Variants in QTGAL observed in about 807,000 individuals in gnomAD.
QTGAL encodes the protein queuosine-tRNA galactosyltransferase, also known as BGnT-like protein 1.
the QTGAL span, among the ~76,000 whole-genome samples, chr17:82,996,509 G>A: frequency 2.2e-5 from 3 of 136,128 alleles, no homozygotes; most frequent in Non-Finnish European, 4.6e-5. Flanking sequence ...ATGACAGAGC[G>A]AGACTCTGCC....
At chr17:82,977,008 G>GGGCCCCAGGT in the QTGAL span, among the ~76,000 whole-genome samples, 1 of 152,262 alleles carries the variant, frequency 6.6e-6, no homozygotes, top group Non-Finnish European at 1.5e-5. Flanking sequence ...CAGGGAGTCA[G>GGGCCCCAGGT]GGCCCCAGGT....
chr17:82,970,648 T>TGTGGACGCGACCTCCCCACCCAGC, the QTGAL span, among the ~76,000 whole-genome samples: 11 of 33,574 alleles, frequency 3.3e-4, 3 homozygotes, highest in African/African-American at 1.4e-3. Flanking sequence ...CCGCACCCGG[T>TGTGGACGCGACCTCCCCACCCAGC]GTGGCCGCGA....
At chr17:83,002,802 G>A in the QTGAL span, among the ~76,000 whole-genome samples, 3 of 152,178 alleles carry the variant, frequency 2.0e-5, no homozygotes, top group Admixed American at 6.5e-5. Flanking sequence ...CACGGGACAC[G>A]GAGACGCTGA....
chr17:82,946,425 T>A, the QTGAL span, among the ~76,000 whole-genome samples: 2 of 152,170 alleles, frequency 1.3e-5, no homozygotes, highest in Non-Finnish European at 1.5e-5. Flanking sequence ...AACACAGTCT[T>A]AGAAGATACT....
chr17:82,999,707 C>T, the QTGAL span, among the ~76,000 whole-genome samples: 1 of 152,318 alleles, frequency 6.6e-6, no homozygotes, highest in South Asian at 2.1e-4. Context: ...CCTAAGTTCA[C>T]GTAGTCTGTT....
the QTGAL span, chr17:83,006,082 G>C: frequency 1.0e-6 from 1 of 998,998 alleles, no homozygotes; most frequent in Non-Finnish European, 1.2e-6. The surrounding 1 kb of genome is among the most constrained non-coding windows in gnomAD (Gnocchi z 5.8). Flanking sequence ...AGCCTCCCGA[G>C]TAGACGTTCT....
chr17:82,967,055 C>T, the QTGAL span, among the ~76,000 whole-genome samples: 1 of 152,162 alleles, frequency 6.6e-6, no homozygotes, highest in South Asian at 2.1e-4. Flanking sequence ...GTCGTGAAAA[C>T]GTGCTCTATG....
the QTGAL span, chr17:82,946,040 C>T: frequency 6.6e-6 from 1 of 152,134 alleles, no homozygotes; most frequent in South Asian, 2.1e-4. Context: ...CTATGTTCTC[C>T]TGGAACAGAG....
At chr17:82,985,723 C>T in the QTGAL span, among the ~76,000 whole-genome samples, 8 of 152,208 alleles carry the variant, frequency 5.3e-5, no homozygotes, top group Non-Finnish European at 1.2e-4. Flanking sequence ...AAACCAAAAT[C>T]AGGAGCCCAG....
the QTGAL span, among the ~76,000 whole-genome samples, chr17:82,950,595 C>T: frequency 5.3e-5 from 8 of 152,234 alleles, no homozygotes; most frequent in Non-Finnish European, 8.8e-5. Context: ...TTACTTTGCT[C>T]AGATCCATCA....
chr17:83,036,485 G>A, the QTGAL span, among the ~76,000 whole-genome samples: 3 of 152,220 alleles, frequency 2.0e-5, no homozygotes, highest in African/African-American at 7.2e-5. Flanking sequence ...ACTGTGATGT[G>A]CACTTTTCTG....
the QTGAL span, among the ~76,000 whole-genome samples, chr17:83,038,905 A>G: frequency 7.1e-6 from 1 of 141,386 alleles, no homozygotes; most frequent in African/African-American, 2.5e-5. Flanking sequence ...AGTTTCAAAA[A>G]CCAATTTGTT....
At chr17:82,961,173 C>T in the QTGAL span, 39 of 1,606,738 alleles carry the variant, frequency 2.4e-5, no homozygotes, top group East Asian at 2.2e-5. Flanking sequence ...GCAGGTCCTC[C>T]GGGACGCCCT....
the QTGAL span, among the ~76,000 whole-genome samples, chr17:83,032,881 C>A: frequency 6.6e-5 from 10 of 152,232 alleles, no homozygotes; most frequent in African/African-American, 2.2e-4. Context: ...TTTACCCCGT[C>A]TGCACACGGG....
chr17:82,973,617 C>T, the QTGAL span, among the ~76,000 whole-genome samples: 1 of 152,094 alleles, frequency 6.6e-6, no homozygotes, highest in Non-Finnish European at 1.5e-5. Context: ...TCAGCCTCTT[C>T]CTGCTCCTGG....
At chr17:83,034,276 G>T in the QTGAL span, among the ~76,000 whole-genome samples, 2 of 152,212 alleles carry the variant, frequency 1.3e-5, no homozygotes, top group Admixed American at 1.3e-4. Context: ...TTAGAAATCA[G>T]TAAGGTTATT....
At chr17:82,999,436 G>T in the QTGAL span, among the ~76,000 whole-genome samples, 1 of 152,188 alleles carries the variant, frequency 6.6e-6, no homozygotes, top group Non-Finnish European at 1.5e-5. Context: ...GAACAATGTG[G>T]GGGTTAGGGG....
the QTGAL span, among the ~76,000 whole-genome samples, chr17:83,032,131 GA>G: frequency 7.2e-6 from 1 of 139,626 alleles, no homozygotes; most frequent in African/African-American, 2.7e-5. Flanking sequence ...CTCGGGAGCT[GA>G]ACAACGGGTC....
chr17:83,024,275 C>T, the QTGAL span, among the ~76,000 whole-genome samples: 1 of 152,242 alleles, frequency 6.6e-6, no homozygotes, highest in Non-Finnish European at 1.5e-5. Context: ...GCGGCAGCCT[C>T]CGCCCGGGGT....
Sources: gnomAD v4.1 joint callset for allele counts (sites outside exome capture counted in the v4.1 genomes callset) on GRCh38, gnomAD v4.1.1 for gene constraint, Gnocchi (gnomAD v3.1) non-coding constraint, MANE v1.5 for transcripts, NCBI Gene and HGNC (gene_info 2026-07-23, HGNC 2026-07-21) for gene names.